Variants in CLDN18 observed in about 807,000 individuals in gnomAD.
The protein encoded by CLDN18 is claudin 18.
In CLDN18, 20 loss-of-function variants were observed where a neutral mutation model predicts 25.0. The ratio of observed to expected loss-of-function variants is 0.80; its 90% CI spans 0.56 to 1.16. The LOEUF (loss-of-function observed/expected upper bound fraction) is 1.16. Among genes scored for constraint, CLDN18 ranks in the 50% most tolerant of loss-of-function variants. CLDN18 has a pLI of 0.00. For missense variants in CLDN18, 297 were observed against 345.4 expected (o/e 0.86, Z 1.11); for synonymous variants, 125 against 135.6 (o/e 0.92, Z 0.54).
intron 1 of CLDN18, among the ~76,000 whole-genome samples, chr3:138,001,471 C>T (rs1284653037): frequency 2.0e-5 from 3 of 151,794 alleles, no homozygotes; most frequent in African/African-American, 7.3e-5. Flanking sequence ...ATCCGCCTGC[C>T]TTGGCCTCCC....
At chr3:138,012,263 T>C (rs986385199) in intron 1 of CLDN18, among the ~76,000 whole-genome samples, 4 of 152,216 alleles carry the variant, frequency 2.6e-5, no homozygotes, top group Non-Finnish European at 4.4e-5. Flanking sequence ...TTCATCTCTA[T>C]AGAATGTTTG....
chr3:137,998,902 G>A (rs41265445), exon 1 of CLDN18: 17,678 of 1,614,186 alleles, frequency 0.011, 144 homozygotes, highest in Non-Finnish European at 0.012. Flanking sequence ...CTTGGGGTTC[G>A]TGGTTTCACT....
chr3:138,012,439 C>G (rs1942145191), intron 1 of CLDN18, among the ~76,000 whole-genome samples: 1 of 152,108 alleles, frequency 6.6e-6, no homozygotes, highest in African/African-American at 2.4e-5. Context: ...CCTTCCTAAC[C>G]CCTCACCTAC....
intron 1 of CLDN18, among the ~76,000 whole-genome samples, chr3:138,000,531 T>G (rs747047180): frequency 1.8e-4 from 27 of 151,548 alleles, no homozygotes; most frequent in Admixed American, 6.5e-4. Context: ...AGGTTGGTTG[T>G]TTGGTTGGTT....
intron 1 of CLDN18, among the ~76,000 whole-genome samples, chr3:138,017,616 T>C (rs1942221612): frequency 6.6e-6 from 1 of 152,224 alleles, no homozygotes; most frequent in African/African-American, 2.4e-5. Flanking sequence ...GCTGAATGGT[T>C]TCACTGGTTG....
intron 1 of CLDN18, among the ~76,000 whole-genome samples, chr3:138,014,545 C>T (rs1190644788): frequency 6.6e-6 from 1 of 152,084 alleles, no homozygotes; most frequent in Non-Finnish European, 1.5e-5. Context: ...TGTGAAAAAC[C>T]AAGCTGGACT....
chr3:138,029,256 G>A (rs949908254), intron 3 of CLDN18, among the ~76,000 whole-genome samples: 4 of 151,788 alleles, frequency 2.6e-5, no homozygotes, highest in Admixed American at 6.6e-5. Context: ...AGGAATTCTC[G>A]TGCCTTAGCC....
At chr3:138,014,247 C>G (rs1942177326) in intron 1 of CLDN18, among the ~76,000 whole-genome samples, 1 of 152,128 alleles carries the variant, frequency 6.6e-6, no homozygotes, top group African/African-American at 2.4e-5. Context: ...GTCCTTGGCT[C>G]TCTGAGAAGG....
At chr3:138,014,115 G>A (rs1942173117) in intron 1 of CLDN18, among the ~76,000 whole-genome samples, 1 of 152,064 alleles carries the variant, frequency 6.6e-6, no homozygotes, top group East Asian at 1.9e-4. Context: ...AGGAAGAGAG[G>A]TGGGAGAATT....
At chr3:138,009,079 T>C (rs1395607626), upstream of CLDN18, among the ~76,000 whole-genome samples, 16 of 152,358 alleles carry the variant, frequency 1.1e-4, no homozygotes, top group Non-Finnish European at 2.2e-4. Context: ...CAATTCCTAA[T>C]ATTTTGACCA....
chr3:138,018,625 C>G (rs1026128820), intron 1 of CLDN18, among the ~76,000 whole-genome samples: 4 of 151,882 alleles, frequency 2.6e-5, no homozygotes, highest in African/African-American at 9.7e-5. Flanking sequence ...CGTGAGCCAC[C>G]GCACCCGGCC....
In CLDN18 at chr3:138,032,607, G is replaced by GGTTTT. The variant is rs1942410269; in HGVS notation, c.*1478_*1482dup. The GGTTTT allele has an allele frequency of 1.3e-5, 2 of 152,058 alleles. No individual in the cohort carries two copies. The highest frequency in any genetic ancestry group is 2.4e-5 in the African/African-American group (1 of 41,376). 9.4% of individuals were successfully genotyped at this position (152,058 alleles called of 1,614,324 possible). ...GTAGCACTTTCCTGGCACTGTGGTC[G>GGTTTT]GTTTTGTTTTGTTTTGCTTTGTTTA... On this transcript the variant is annotated 3_prime_UTR_variant, in exon 5 of 5. Coordinates refer to ENST00000183605, the MANE Select transcript of CLDN18 (RefSeq NM_016369.4).
intron 1 of CLDN18, 40 bp downstream of exon 1, chr3:138,010,485 G>A: frequency 1.2e-6 from 2 of 1,610,284 alleles, no homozygotes; most frequent in Middle Eastern, 3.3e-4. Flanking sequence ...AGGTGAACCA[G>A]GTGAGCAGGG....
chr3:138,010,584 G>A (rs1377833507), intron 1 of CLDN18, 139 bp downstream of exon 1: 1 of 1,129,498 alleles, frequency 8.9e-7, no homozygotes, highest in Non-Finnish European at 1.3e-6. Context: ...AATAAAAGGA[G>A]AAGCTGGCTC....
In CLDN18 at chr3:138,023,651, C is replaced by G. The variant is rs749380019; in HGVS notation, c.221-7C>G. The G allele has an allele frequency of 3.1e-6, 5 of 1,612,784 alleles. No individual in the cohort carries two copies. Among genetic ancestry groups the G allele is most frequent in the Non-Finnish European group, 4.2e-6 (5 of 1,179,252 alleles). On this transcript the variant is annotated splice_polypyrimidine_tract_variant and splice_region_variant and intron_variant, in intron 1 of 4. Coordinates refer to ENST00000183605, the MANE Select transcript of CLDN18 (RefSeq NM_016369.4). ...TGTCTGCTTGTGTCTTGCCCCTTGTCCCACAGCCATGCTGCAGGCAGTGCG... is the reference window on the plus strand; with the variant it reads ...TGTCTGCTTGTGTCTTGCCCCTTGTGCCACAGCCATGCTGCAGGCAGTGCG...
intron 1 of CLDN18, 44 bp from the exon 2 acceptor site, chr3:138,023,614 G>C: frequency 6.3e-7 from 1 of 1,598,314 alleles, no homozygotes. Flanking sequence ...AGTGTGCTGA[G>C]TTGGTCTTAT....
chr3:138,008,299 G>A (rs773882206), upstream of CLDN18, among the ~76,000 whole-genome samples: 3 of 151,946 alleles, frequency 2.0e-5, no homozygotes, highest in Non-Finnish European at 2.9e-5. Context: ...ATTTTGGAGA[G>A]TGTCATTAAA....
At chr3:138,000,410 A>G (rs1942003352) in intron 1 of CLDN18, among the ~76,000 whole-genome samples, 1 of 152,206 alleles carries the variant, frequency 6.6e-6, no homozygotes, top group African/African-American at 2.4e-5. Context: ...CCACCGCCCA[A>G]GTCTTACTCA....
Position 138,024,738 on chromosome 3 carries a change from C to G in CLDN18, c.503+14C>G. ...TGTTCAGACCAGGTAACCTCCTAAT[C>G]TAGGTCTCGGCATTCACCATGATGA... On this transcript the variant is annotated intron_variant, in intron 3 of 4. Coordinates refer to ENST00000183605, the MANE Select transcript of CLDN18 (RefSeq NM_016369.4). 1 of 1,392,226 alleles carries G rather than the reference C, an allele frequency of 7.2e-7. No homozygotes were observed. Among genetic ancestry groups the G allele is most frequent in the Non-Finnish European group, 1.0e-6 (1 of 980,390 alleles). 86.2% of individuals were successfully genotyped at this position (1,392,226 alleles called of 1,614,324 possible).
Sources: gnomAD v4.1 joint callset for allele counts (sites outside exome capture counted in the v4.1 genomes callset) on GRCh38, gnomAD v4.1.1 for gene constraint, MANE v1.5 for transcripts, NCBI Gene and HGNC (gene_info 2026-07-23, HGNC 2026-07-21) for gene names.